QRICH2: variants seen among roughly 807,000 people sequenced by gnomAD.
QRICH2 encodes glutamine-rich protein 2.
A neutral mutation model predicts 168.3 loss-of-function variants in QRICH2; 119 were observed. The ratio of observed to expected loss-of-function variants is 0.71; its 90% CI spans 0.61 to 0.82. The LOEUF is 0.82. QRICH2 is among the 40% of genes least tolerant of loss of function. QRICH2 has a pLI of 0.00. For missense variants in QRICH2, 2,241 were observed against 2,491.6 expected (o/e 0.90, Z 2.14); for synonymous variants, 894 against 951.2 (o/e 0.94, Z 1.11).
rs1418204062 is a variant in QRICH2, at chr17:76,274,164, C to T, written c.5579G>A (p.Arg1860Lys). 2 of 1,581,026 alleles carry T rather than the reference C, an allele frequency of 1.3e-6. No individual in the cohort carries two copies. Among genetic ancestry groups the T allele is most frequent in the African/African-American group, 2.8e-5 (2 of 71,556 alleles). Residue 1860 changes from arginine to lysine, a missense_variant, in exon 19 of 19, where the codon AGG becomes AAG. Physicochemically the swap from Arg to Lys is conservative, Grantham distance 26. Around this residue, in one of 3 missense-constraint regions of QRICH2, gnomAD observed 189 missense variants for 169.3 expected, o/e 1.12. Transcript: ENST00000680821. ...HPPSSAAVANRGLERHVDMPP... is the reference protein window; with the variant it reads ...HPPSSAAVANKGLERHVDMPP... Reference sequence around the variant, plus strand: ...CATGTCCACGTGCCTCTCCAGCCCCCTGTTTGCCACCGCGGCGGAGCTGGG... The same window carrying T: ...CATGTCCACGTGCCTCTCCAGCCCCTTGTTTGCCACCGCGGCGGAGCTGGG...
intron 1 of QRICH2, among the ~76,000 whole-genome samples, chr17:76,305,823 CAA>C (rs754156653): frequency 3.9e-5 from 6 of 152,118 alleles, no homozygotes; most frequent in Non-Finnish European, 5.9e-5. Context: ...AAAAATAAAA[CAA>C]GTTACTTTTT....
intron 3 of QRICH2, among the ~76,000 whole-genome samples, chr17:76,294,669 T>C (rs2070766070): frequency 6.6e-6 from 1 of 151,194 alleles, no homozygotes; most frequent in South Asian, 2.1e-4. Context: ...AAAAATTAGC[T>C]GGGTGTGATA....
chr17:76,274,929 C>T (rs2070646922), intron 18 of QRICH2, among the ~76,000 whole-genome samples: 1 of 152,206 alleles, frequency 6.6e-6, no homozygotes, highest in Admixed American at 6.5e-5. Context: ...TGTAAAGCTC[C>T]TAAACTACCT....
chr17:76,301,063 AAAT>A (rs1166709957), intron 3 of QRICH2, among the ~76,000 whole-genome samples: 1 of 148,830 alleles, frequency 6.7e-6, no homozygotes, highest in Non-Finnish European at 1.5e-5. Flanking sequence ...CAAAAATGCA[AAAT>A]ATTAGTCAGG....
chr17:76,308,480 G>A, upstream of QRICH2: 1 of 985,318 alleles, frequency 1.0e-6, no homozygotes, highest in African/African-American at 1.7e-5. Context: ...CTCTTGGCGG[G>A]GCCACATAAG....
chr17:76,296,379 C>T (rs2070793103), intron 3 of QRICH2, among the ~76,000 whole-genome samples: 1 of 152,170 alleles, frequency 6.6e-6, no homozygotes, highest in African/African-American at 2.4e-5. Flanking sequence ...TTCCAGACTG[C>T]AGTGCAGGGA....
intron 7 of QRICH2, among the ~76,000 whole-genome samples, chr17:76,283,013 A>C (rs762267620): frequency 6.6e-5 from 10 of 152,220 alleles, no homozygotes; most frequent in Admixed American, 1.3e-4. Context: ...GCAGAGGGAC[A>C]GGTGGGGTGG....
rs1598471764 is a variant in QRICH2 at position 76,274,200 on chromosome 17, G to A, written c.5543C>T (p.Thr1848Ile). Residue 1848 changes from threonine (T) to isoleucine (I), a missense_variant, in exon 19 of 19, where the codon ACA becomes ATA. Physicochemically the swap from Thr to Ile is moderately conservative, Grantham distance 89. Transcript: ENST00000680821. The stretch of plus-strand genomic sequence containing the variant: ...CGCGGCGGAGCTGGGCGGGTGGGCT[G>A]TGTTCGGCTGGGAGAGACGGCCCTC... ...SSEGRLSQPNTAHPPSSAAVA... is the reference protein window; with the variant it reads ...SSEGRLSQPNIAHPPSSAAVA... 4 of 1,595,456 alleles carry A rather than the reference G, an allele frequency of 2.5e-6. No individual in the cohort carries two copies. The highest frequency in any genetic ancestry group is 1.8e-5 in the Admixed American group (1 of 55,034).
At position 76,280,875 on chromosome 17, in the gene QRICH2, T is replaced by A; in HGVS notation, c.4342A>T (p.Ser1448Cys). The A allele has an allele frequency of 2.5e-6, 4 of 1,613,672 alleles. No individual in the cohort carries two copies. The highest frequency in any genetic ancestry group is 3.4e-6 in the Non-Finnish European group (4 of 1,180,004). ...TGCCGATGGTCCTCGATGAGGTTGC[T>A]GGTGGTGATGTTGAGCTTCTCGCAG... ...GDCEKLNITT[S>C]NLIEDHRQKQ... is the part of the protein sequence containing the mutation. Residue 1448 changes from serine (S) to cysteine (C), a missense_variant, in exon 9 of 19, where the codon AGC becomes TGC. Ser to Cys is a moderately radical substitution (Grantham distance 112, BLOSUM62 -1). This residue lies in a region of QRICH2 where 2,047 missense variants were observed against 2,303.8 expected (regional missense o/e 0.89). Transcript: ENST00000680821. The surrounding 1 kb of genome is among the most constrained non-coding windows in gnomAD (Gnocchi z 7.4).
chr17:76,294,849 A>T (rs1471379853), intron 3 of QRICH2, among the ~76,000 whole-genome samples: 2 of 151,720 alleles, frequency 1.3e-5, no homozygotes, highest in African/African-American at 2.4e-5. Flanking sequence ...TCTTCATAAA[A>T]GATGGGGAAA....
At chr17:76,300,660 G>A (rs963118954) in intron 3 of QRICH2, among the ~76,000 whole-genome samples, 1 of 152,266 alleles carries the variant, frequency 6.6e-6, no homozygotes, top group African/African-American at 2.4e-5. Flanking sequence ...TGGGTGCAGT[G>A]GCTCAATCCC....
At position 76,304,456 on chromosome 17, in the gene QRICH2, G is replaced by A; in HGVS notation, c.664C>T (p.Leu222=). Reference sequence around the variant, plus strand: ...CAGCCGTCCGTAATCGCCTGCTCCAGCTCTTCCCAGGTGACCATGGTGACT... The same window carrying A: ...CAGCCGTCCGTAATCGCCTGCTCCAACTCTTCCCAGGTGACCATGGTGACT... ...EEVTMVTWEE[L]EQAITDGWRA... The change falls in exon 3 of 19, where the codon CTG becomes TTG. Residue 222 remains leucine, a synonymous_variant. Coordinates refer to ENST00000680821, the MANE Select transcript of QRICH2 (RefSeq NM_001388453.1). 2 of 1,613,728 alleles carry A rather than the reference G, an allele frequency of 1.2e-6. No homozygotes were observed. The highest frequency in any genetic ancestry group is 1.1e-5 in the South Asian group (1 of 91,074).
At chr17:76,288,040 C>T in intron 5 of QRICH2, 143 bp from the exon 6 acceptor site, 1 of 652,982 alleles carries the variant, frequency 1.5e-6, no homozygotes, top group Non-Finnish European at 2.8e-6. Context: ...CCCTTGTGGA[C>T]ATCCATCCGC....
chr17:76,290,613 G>A (rs969981494), intron 4 of QRICH2, among the ~76,000 whole-genome samples: 10 of 151,782 alleles, frequency 6.6e-5, no homozygotes, highest in Non-Finnish European at 4.4e-5. Flanking sequence ...TCTCGAACTC[G>A]GCCTCAAGCT....
chr17:76,287,868 C>T lies in QRICH2; in HGVS notation c.3828G>A (p.Gly1276=). The T allele has an allele frequency of 6.2e-7, 1 of 1,614,108 alleles. No individual in the cohort carries two copies. Residue 1276 remains glycine (G), a synonymous_variant, in exon 6 of 19, where the codon GGG becomes GGA. Coordinates refer to ENST00000680821, the MANE Select transcript of QRICH2 (RefSeq NM_001388453.1). ...CCTTCCCTGCTTCTTGATTCCCTTC[C>T]CCTTCCAGGATCCTCTGCAGCCTTT... ...KVERLQRILE[G]EGNQEAGKEL...
chr17:76,284,127 C>T (rs2070837487), intron 7 of QRICH2, among the ~76,000 whole-genome samples: 1 of 125,606 alleles, frequency 8.0e-6, no homozygotes, highest in Non-Finnish European at 1.5e-5. Context: ...GAGATGGTGC[C>T]ACTGCACTCC....
chr17:76,305,988 G>A (rs1004008609), intron 1 of QRICH2, among the ~76,000 whole-genome samples: 2 of 151,156 alleles, frequency 1.3e-5, no homozygotes, highest in Admixed American at 1.3e-4. Context: ...TGGCCAACAC[G>A]GCAAAACCCC....
chr17:76,302,187 C>G (rs2070915691), intron 3 of QRICH2, among the ~76,000 whole-genome samples: 1 of 151,930 alleles, frequency 6.6e-6, no homozygotes, highest in South Asian at 2.1e-4. Context: ...TGTGAGCCAC[C>G]GCGCCGGCCG....
In QRICH2 at chr17:76,279,054, G is replaced by A. The variant is rs545347894; in HGVS notation, c.4903C>T (p.Gln1635Ter). 6.2e-7 allele frequency: 1 copy of A among 1,613,780 alleles called. No individual in the cohort carries two copies. The highest frequency in any genetic ancestry group is 1.7e-5 in the Admixed American group (1 of 60,002). The part of the protein sequence containing the change: ...YTVFELEQVR[Q>*]HSRNLKLGSA... ...CCCATAGCATACTTGCGGCTATGCT[G>A]CCGGACCTGCTCCAGTTCAAACACC... The change falls in exon 14 of 19, where the codon CAG becomes TAG. Residue 1635 changes from glutamine to a stop codon, truncating the protein, a stop_gained. Transcript: ENST00000680821. LOFTEE classifies it high-confidence loss of function.
Sources: allele counts gnomAD v4.1 joint callset (sites outside exome capture counted in the v4.1 genomes callset), GRCh38; gene constraint gnomAD v4.1.1; regional missense constraint gnomAD v4.1.1; non-coding constraint Gnocchi (gnomAD v3.1); transcripts MANE v1.5; gene names NCBI Gene and HGNC (gene_info 2026-07-23, HGNC 2026-07-21).